The following GABRB1 variants were observed in gnomAD, a reference collection of about 807,000 sequenced individuals.
GABRB1 encodes the protein gamma-aminobutyric acid type A receptor subunit beta1, also known as gamma-aminobutyric acid receptor subunit beta-1.
In GABRB1, 17 loss-of-function variants were observed where a neutral mutation model predicts 51.6. The ratio of observed to expected loss-of-function variants is 0.33; its 90% CI spans 0.23 to 0.49. GABRB1 has a LOEUF of 0.49. Ranked by LOEUF, GABRB1 falls within the 20% of genes least tolerant of loss-of-function variation. GABRB1 has a pLI of 0.99. For missense variants in GABRB1, 410 were observed against 600.6 expected, an observed-to-expected ratio of 0.68 and a Z score of 3.32; for synonymous variants, 247 against 218.9, an observed-to-expected ratio of 1.13 and a Z score of -1.14.
intron 3 of GABRB1, among the ~76,000 whole-genome samples, chr4:47,067,067 C>T (rs1466931760): frequency 6.6e-6 from 1 of 152,198 alleles, no homozygotes; most frequent in African/African-American, 2.4e-5. Flanking sequence ...CCTCTTACAT[C>T]TCCATCAGAA....
intron 4 of GABRB1, among the ~76,000 whole-genome samples, chr4:47,317,244 C>T (rs778337081): frequency 6.6e-6 from 1 of 151,948 alleles, no homozygotes; most frequent in Non-Finnish European, 1.5e-5. Flanking sequence ...GAGGCAAAAT[C>T]ATCTCTGACT....
At chr4:47,329,445 A>G (rs1444913788) in intron 5 of GABRB1, among the ~76,000 whole-genome samples, 3 of 149,188 alleles carry the variant, frequency 2.0e-5, no homozygotes, top group African/African-American at 4.9e-5. Flanking sequence ...AATAGGACAT[A>G]TATAGCACAT....
intron 3 of GABRB1, among the ~76,000 whole-genome samples, chr4:47,036,861 A>T (rs1194619037): frequency 6.6e-6 from 1 of 150,900 alleles, no homozygotes; most frequent in East Asian, 1.9e-4. Flanking sequence ...AAACAGTCTT[A>T]AAAAAAAAGA....
chr4:47,323,703 G>A (rs928629994), intron 5 of GABRB1, among the ~76,000 whole-genome samples: 3 of 152,130 alleles, frequency 2.0e-5, no homozygotes, highest in African/African-American at 4.8e-5. Flanking sequence ...CCACTAGTTC[G>A]TATGCTCTCC....
At chr4:47,390,720 T>C (rs1331688038) in intron 5 of GABRB1, among the ~76,000 whole-genome samples, 1 of 152,162 alleles carries the variant, frequency 6.6e-6, no homozygotes, top group East Asian at 1.9e-4. Context: ...AAGAAAACCT[T>C]TGGTAAAATA....
chr4:47,385,089 A>C (rs546292717), intron 5 of GABRB1, among the ~76,000 whole-genome samples: 240 of 152,344 alleles, frequency 1.6e-3, no homozygotes, highest in African/African-American at 5.4e-3. Context: ...AAATGTTTCA[A>C]AGTGGAAAGA....
At chr4:47,375,828 A>C (rs1727355834) in intron 5 of GABRB1, among the ~76,000 whole-genome samples, 2 of 152,348 alleles carry the variant, frequency 1.3e-5, no homozygotes, top group Admixed American at 1.3e-4. Flanking sequence ...ATATTTCGGC[A>C]GTATGTGCAG....
chr4:47,292,834 A>C (rs1020488580), intron 4 of GABRB1, among the ~76,000 whole-genome samples: 1 of 152,168 alleles, frequency 6.6e-6, no homozygotes, highest in Non-Finnish European at 1.5e-5. Context: ...TGAGAGAGGG[A>C]GGGAGGGGGC....
At chr4:47,089,180 G>A (rs1457608796) in intron 3 of GABRB1, among the ~76,000 whole-genome samples, 3 of 152,144 alleles carry the variant, frequency 2.0e-5, no homozygotes. Flanking sequence ...TTCGTTTTGG[G>A]GATCTCTAGT....
intron 4 of GABRB1, among the ~76,000 whole-genome samples, chr4:47,297,860 A>T (rs1429124037): frequency 6.6e-6 from 1 of 151,618 alleles, no homozygotes; most frequent in Non-Finnish European, 1.5e-5. Flanking sequence ...AAATTAACCA[A>T]ATCCAGCAGC....
chr4:47,243,513 C>G (rs1721616622), intron 4 of GABRB1, among the ~76,000 whole-genome samples: 1 of 152,128 alleles, frequency 6.6e-6, no homozygotes, highest in South Asian at 2.1e-4. Flanking sequence ...TTCTTCCTAC[C>G]CATGAGCATG....
chr4:47,179,429 T>A (rs1474660179), intron 4 of GABRB1, among the ~76,000 whole-genome samples: 1 of 152,132 alleles, frequency 6.6e-6, no homozygotes, highest in East Asian at 1.9e-4. Context: ...ATCCCATTAC[T>A]GGTTATATAC....
chr4:47,019,388 C>T (rs1300557456), intron 1 of GABRB1, among the ~76,000 whole-genome samples: 1 of 152,044 alleles, frequency 6.6e-6, no homozygotes, highest in Non-Finnish European at 1.5e-5. Context: ...TACCTACGCT[C>T]ACAATATTAT....
chr4:47,251,912 G>A (rs944523659), intron 4 of GABRB1, among the ~76,000 whole-genome samples: 5 of 152,212 alleles, frequency 3.3e-5, no homozygotes, highest in East Asian at 1.9e-4. Context: ...CAGGCTATCC[G>A]CCTCCCAACT....
intron 3 of GABRB1, among the ~76,000 whole-genome samples, chr4:47,070,425 G>A (rs912341011): frequency 7.9e-5 from 12 of 151,936 alleles, no homozygotes; most frequent in Admixed American, 2.0e-4. Context: ...TCCACCTGCC[G>A]AGTTCAAGCG....
intron 5 of GABRB1, among the ~76,000 whole-genome samples, chr4:47,329,705 T>C (rs1725397234): frequency 6.7e-6 from 1 of 148,786 alleles, no homozygotes; most frequent in Non-Finnish European, 1.5e-5. Flanking sequence ...TATATAGATA[T>C]CATATATATG....
chr4:47,130,117 C>T (rs1716342885), intron 3 of GABRB1, among the ~76,000 whole-genome samples: 1 of 152,222 alleles, frequency 6.6e-6, no homozygotes, highest in South Asian at 2.1e-4. Context: ...AGCATTTGCT[C>T]CCCCACATTT....
chr4:47,389,734 T>A (rs905714222), intron 5 of GABRB1, among the ~76,000 whole-genome samples: 1 of 152,218 alleles, frequency 6.6e-6, no homozygotes, highest in South Asian at 2.1e-4. Context: ...TTAAACCCAG[T>A]TGACTCTCTT....
intron 3 of GABRB1, among the ~76,000 whole-genome samples, chr4:47,123,343 A>C (rs1361304031): frequency 7.5e-6 from 1 of 133,068 alleles, no homozygotes; most frequent in Non-Finnish European, 1.5e-5. Context: ...ATATTATATA[A>C]TATATATTAG....
Sources: allele counts gnomAD v4.1 joint callset (sites outside exome capture counted in the v4.1 genomes callset), GRCh38; gene constraint gnomAD v4.1.1; transcripts MANE v1.5; gene names NCBI Gene and HGNC (gene_info 2026-07-23, HGNC 2026-07-21).